ARHGEF18: variants seen among roughly 807,000 people sequenced by gnomAD.
ARHGEF18 encodes the protein rho guanine nucleotide exchange factor 18.
ARHGEF18 carries 93 observed loss-of-function variants against 155.7 expected under a neutral mutation model. That is an observed-to-expected ratio of 0.60 (90% CI 0.50 to 0.71). The LOEUF (loss-of-function observed/expected upper bound fraction) is 0.71, where lower values mean the gene tolerates loss of function less well. Among genes scored for constraint, ARHGEF18 ranks in the 30% least tolerant of loss-of-function variants. The probability of loss-of-function intolerance (pLI) is 0.00; values close to 1 mark genes in which losing one functional copy is unlikely to be tolerated. For missense variants in ARHGEF18, 1,593 were observed against 1,816.1 expected, an observed-to-expected ratio of 0.88 and a Z score of 2.23; for synonymous variants, 742 against 753.1, an observed-to-expected ratio of 0.99 and a Z score of 0.24.
intron 14 of ARHGEF18, among the ~76,000 whole-genome samples, chr19:7,446,757 C>T (rs547139446): frequency 3.7e-4 from 56 of 150,374 alleles, no homozygotes; most frequent in Admixed American, 1.3e-3. Context: ...ATTAGCCAGG[C>T]GTGGTGGCGG....
At chr19:7,443,773 G>A (rs1974819647) in intron 13 of ARHGEF18, among the ~76,000 whole-genome samples, 1 of 152,032 alleles carries the variant, frequency 6.6e-6, no homozygotes, top group Non-Finnish European at 1.5e-5. Flanking sequence ...GCGTGGTGGT[G>A]TGCACCTGTA....
At position 7,374,943 on chromosome 19, in the gene ARHGEF18, A is replaced by G. The variant is rs1600222484; in HGVS notation, c.276-777A>G. ...GGCAGGGGGTGCTCTAGCCACCCCT[A>G]ACCCGTGTCCCTCAACCCCTTCCAA... is the stretch of plus-strand genomic sequence containing the variant. On this transcript the variant is annotated intron_variant, in intron 3 of 28. Coordinates refer to ENST00000668164, the MANE Select transcript of ARHGEF18 (RefSeq NM_001367823.1). Among the ~76,000 whole-genome samples the G allele has an allele frequency of 3.3e-5, 5 of 152,268 alleles. 1 individual carries two copies. Among genetic ancestry groups the G allele is most frequent in the Admixed American group, 3.3e-4 (5 of 15,284 alleles).
chr19:7,350,483 C>T (rs1188047510), intron 1 of ARHGEF18, among the ~76,000 whole-genome samples: 1 of 152,182 alleles, frequency 6.6e-6, no homozygotes, highest in Non-Finnish European at 1.5e-5. Flanking sequence ...GTAGAGGCAG[C>T]CTTTTCATTA....
chr19:7,395,740 T>C lies in ARHGEF18; in HGVS notation c.967+12537T>C, dbSNP rs1359256372. 2.0e-5 allele frequency among the ~76,000 whole-genome samples: 3 copies of C among 152,114 alleles called. No homozygotes were observed. Among genetic ancestry groups the C allele is most frequent in the African/African-American group, 7.2e-5 (3 of 41,446 alleles). ...AAAACCGTGAGAACTATCTGTGCCATGGGTTTTAGTTTCTTGTATAAGAAC... is the reference window on the plus strand; with the variant it reads ...AAAACCGTGAGAACTATCTGTGCCACGGGTTTTAGTTTCTTGTATAAGAAC... On this transcript the variant is annotated intron_variant, in intron 10 of 28. Transcript: ENST00000668164. This position sits in a 1 kb window ranked among gnomAD's most constrained non-coding sequence, Gnocchi z 5.0.
At chr19:7,366,193 G>T (rs546671302) in intron 2 of ARHGEF18, among the ~76,000 whole-genome samples, 1 of 152,152 alleles carries the variant, frequency 6.6e-6, no homozygotes, top group Non-Finnish European at 1.5e-5. Context: ...TGATCCACCC[G>T]CCTCAGGCCT....
chr19:7,422,763 G>A (rs1973435962), intron 10 of ARHGEF18, among the ~76,000 whole-genome samples: 1 of 130,892 alleles, frequency 7.6e-6, no homozygotes, highest in Non-Finnish European at 1.5e-5. Context: ...CTGTCACCCA[G>A]ACTGGAGTGC....
intron 10 of ARHGEF18, among the ~76,000 whole-genome samples, chr19:7,398,090 T>G (rs1166403670): frequency 2.0e-5 from 3 of 152,276 alleles, no homozygotes; most frequent in African/African-American, 7.2e-5. Flanking sequence ...CCTTTTGTTT[T>G]TTGAGACGGT....
At chr19:7,475,897 G>A (rs1977217810), downstream of ARHGEF18, among the ~76,000 whole-genome samples, 4 of 152,186 alleles carry the variant, frequency 2.6e-5, no homozygotes, top group Admixed American at 2.6e-4. Context: ...CCCCCGACAA[G>A]GGAAAGAAGG....
In ARHGEF18 at chr19:7,425,342, G is replaced by A. The variant is rs570752343; in HGVS notation, c.968-15002G>A. On this transcript the variant is annotated intron_variant, in intron 10 of 28. Transcript: ENST00000668164. ...CTACATCAATGGAAAAAAGGTGGGGGTCTCCCCCTACTTCCCCACAAAAAA... is the reference window on the plus strand; with the variant it reads ...CTACATCAATGGAAAAAAGGTGGGGATCTCCCCCTACTTCCCCACAAAAAA... Among the ~76,000 whole-genome samples, 5 of 152,148 alleles carry A rather than the reference G, an allele frequency of 3.3e-5. No homozygotes were observed. In the South Asian group the frequency reaches 6.2e-4, roughly 19 times the overall value.
At chr19:7,403,351 C>T (rs984476479) in intron 10 of ARHGEF18, among the ~76,000 whole-genome samples, 3 of 152,156 alleles carry the variant, frequency 2.0e-5, no homozygotes, top group African/African-American at 4.8e-5. Flanking sequence ...CTTTCACTGC[C>T]CATTCCCCCA....
chr19:7,423,407 T>C (rs1364597860), intron 10 of ARHGEF18, among the ~76,000 whole-genome samples: 1 of 152,026 alleles, frequency 6.6e-6, no homozygotes, highest in Non-Finnish European at 1.5e-5. Flanking sequence ...GGGAGCCTGG[T>C]CATTAATTGG....
chr19:7,458,297 T>TAAAAA (rs35712455), intron 18 of ARHGEF18, among the ~76,000 whole-genome samples: 3 of 92,346 alleles, frequency 3.2e-5, no homozygotes, highest in African/African-American at 1.4e-4. Flanking sequence ...CAAGATAGTT[T>TAAAAA]AAAAAAAAAA....
chr19:7,453,819 T>A (rs1975656386), intron 17 of ARHGEF18, 104 bp downstream of exon 17: 8 of 1,393,250 alleles, frequency 5.7e-6, no homozygotes, highest in Non-Finnish European at 7.5e-6. Flanking sequence ...CCATCTTGTA[T>A]CAGTGGGTAC....
At chr19:7,437,599 G>A (rs1015667157) in intron 10 of ARHGEF18, among the ~76,000 whole-genome samples, 17 of 151,634 alleles carry the variant, frequency 1.1e-4, no homozygotes, top group African/African-American at 4.1e-4. Flanking sequence ...ATGGTGTATC[G>A]GGACCTAGGA....
Position 7,470,515 on chromosome 19 carries a change from TC to T in ARHGEF18, c.*218del, listed in dbSNP as rs1433753688. On this transcript the variant is annotated 3_prime_UTR_variant, in exon 29 of 29. Transcript: ENST00000668164. The surrounding 1 kb of genome is among the most constrained non-coding windows in gnomAD (Gnocchi z 5.9). Reference sequence around the variant, plus strand: ...TGGTGCCGGGGTCACTTTCTGAATCTCTTTTTTTTTTTTTCAAAAAGGAAAG... The same window carrying T: ...TGGTGCCGGGGTCACTTTCTGAATCTTTTTTTTTTTTTTCAAAAAGGAAAG... The T allele has an allele frequency of 2.0e-4, 81 of 399,030 alleles. No homozygotes were observed. Among genetic ancestry groups the T allele is most frequent in the Middle Eastern group, 6.3e-4 (1 of 1,576 alleles). The allele number at this position is 399,030 out of a possible 1,614,324, so 24.7% of individuals were successfully genotyped here. A position where few individuals can be genotyped will look rare whatever the true frequency, so the allele number is the denominator to read the frequency against.
Position 7,367,867 on chromosome 19 carries a change from T to TATA in ARHGEF18, c.16-4945_16-4944insATA, listed in dbSNP as rs371389313. Among the ~76,000 whole-genome samples, 2 of 20,960 alleles carry TATA rather than the reference T, an allele frequency of 9.5e-5. 1 individual carries two copies. The highest frequency in any genetic ancestry group is 1.6e-4 in the Non-Finnish European group (2 of 12,730). The allele number at this position is 20,960 out of a possible 152,430, so 13.8% of individuals were successfully genotyped here. The stretch of plus-strand genomic sequence containing the variant: ...TTATATATATATATACACATATATA[T>TATA]TTTTATATATATATATTTTATATAT... On this transcript the variant is annotated intron_variant, in intron 2 of 28. Coordinates refer to ENST00000668164, the MANE Select transcript of ARHGEF18 (RefSeq NM_001367823.1).
intron 10 of ARHGEF18, among the ~76,000 whole-genome samples, chr19:7,434,515 A>G (rs898221676): frequency 5.3e-5 from 8 of 152,118 alleles, no homozygotes; most frequent in African/African-American, 1.9e-4. Context: ...GGTGCTCACT[A>G]ATCGATCGCA....
At chr19:7,442,152 T>TA in intron 13 of ARHGEF18, 100 bp downstream of exon 13, 1 of 523,370 alleles carries the variant, frequency 1.9e-6, no homozygotes, top group Middle Eastern at 9.2e-4. Context: ...CTTCCTTCCT[T>TA]CCTTCCTTCC....
At chr19:7,439,288 C>A (rs532352850) in intron 10 of ARHGEF18, among the ~76,000 whole-genome samples, 1 of 150,388 alleles carries the variant, frequency 6.6e-6, no homozygotes, top group Admixed American at 6.6e-5. Context: ...AGACCCCCCC[C>A]CAACCTCTAC....
Sources: allele counts gnomAD v4.1 joint callset (sites outside exome capture counted in the v4.1 genomes callset), GRCh38; gene constraint gnomAD v4.1.1; non-coding constraint Gnocchi (gnomAD v3.1); transcripts MANE v1.5; gene names NCBI Gene and HGNC (gene_info 2026-07-23, HGNC 2026-07-21).